PLEKHG4B: variants seen among roughly 807,000 people sequenced by gnomAD.
The protein encoded by PLEKHG4B is pleckstrin homology domain-containing family G member 4B.
PLEKHG4B carries 111 observed loss-of-function variants against 121.3 expected under a neutral mutation model. The ratio of observed to expected loss-of-function variants is 0.92; its 90% CI spans 0.78 to 1.07. The LOEUF (loss-of-function observed/expected upper bound fraction) is 1.07, where lower values mean the gene tolerates loss of function less well. Ranked by LOEUF, PLEKHG4B falls within the 50% of genes least tolerant of loss-of-function variation. The pLI, the probability that PLEKHG4B is intolerant of heterozygous loss-of-function variation, is 0.00. For missense variants in PLEKHG4B, 1,831 were observed against 1,757.8 expected (o/e 1.04, Z -0.74); for synonymous variants, 738 against 725.0 (o/e 1.02, Z -0.29).
intron 2 of PLEKHG4B, among the ~76,000 whole-genome samples, chr5:119,041 G>T (rs924009266): frequency 2.0e-5 from 3 of 151,872 alleles, no homozygotes; most frequent in African/African-American, 2.4e-5. Flanking sequence ...AAAATTTTTT[G>T]TAGAGATGGG....
At position 163,472 on chromosome 5, in the gene PLEKHG4B, G is replaced by A. The variant is rs763521194; in HGVS notation, c.3400G>A (p.Val1134Ile). The change falls in exon 13 of 20, where the codon GTC becomes ATC. Residue 1134 changes from valine to isoleucine, a missense_variant. Transcript: ENST00000637938. ...GTGGCAGCATGCCAGGAGCCCCCCG[G>A]TCACTCAGAGCCGGAGTCTGTCCTC... The part of the protein sequence containing the change: ...PLWQHARSPP[V>I]TQSRSLSSPS... 9 of 1,612,796 alleles carry A rather than the reference G, an allele frequency of 5.6e-6. No individual in the cohort carries two copies. The highest frequency in any genetic ancestry group is 5.9e-6 in the Non-Finnish European group (7 of 1,179,990).
intron 13 of PLEKHG4B, 119 bp from the exon 14 acceptor site, chr5:169,221 C>T: frequency 7.2e-7 from 1 of 1,385,962 alleles, no homozygotes; most frequent in Non-Finnish European, 9.9e-7. Context: ...TGCCTCCAGT[C>T]CACATGTGAC....
chr5:124,620 CT>C (rs964020734), intron 2 of PLEKHG4B, among the ~76,000 whole-genome samples: 2 of 152,100 alleles, frequency 1.3e-5, no homozygotes, highest in African/African-American at 2.4e-5. Context: ...TGTATTTAAC[CT>C]TTTCTTAATA....
intron 18 of PLEKHG4B, among the ~76,000 whole-genome samples, chr5:180,950 A>G (rs1424167193): frequency 6.6e-6 from 1 of 152,208 alleles, no homozygotes; most frequent in East Asian, 1.9e-4. Flanking sequence ...AACAATTCTT[A>G]CTATAATATT....
intron 2 of PLEKHG4B, among the ~76,000 whole-genome samples, chr5:119,531 A>C (rs1734407202): frequency 6.6e-6 from 1 of 152,228 alleles, no homozygotes; most frequent in African/African-American, 2.4e-5. Context: ...AATGTGGAGG[A>C]ACATGAAGAC....
intron 13 of PLEKHG4B, among the ~76,000 whole-genome samples, chr5:165,083 G>T (rs1736260368): frequency 2.7e-5 from 3 of 111,690 alleles, no homozygotes; most frequent in African/African-American, 3.3e-5. Flanking sequence ...TGCTCTGACG[G>T]GGCGGGGCTC....
chr5:155,471 C>T (rs1311859204), intron 9 of PLEKHG4B, 28 bp downstream of exon 9: 3 of 1,565,902 alleles, frequency 1.9e-6, no homozygotes, highest in Non-Finnish European at 2.6e-6. Flanking sequence ...CAGGTAAGTT[C>T]ATTTCATGTG....
chr5:174,069 T>G lies in PLEKHG4B; in HGVS notation c.4373T>G (p.Ile1458Ser). ...GCATGGACCGATGTCATAGGGAGGATCCTGTGGCGGCAGGCACTAAAGAGC... is the reference window on the plus strand; with the variant it reads ...GCATGGACCGATGTCATAGGGAGGAGCCTGTGGCGGCAGGCACTAAAGAGC... ...KSAWTDVIGR[I>S]LWRQALKSRE... Residue 1458 changes from isoleucine (I) to serine (S), a missense_variant, in exon 18 of 20, where the codon ATC becomes AGC. Physicochemically the swap from Ile to Ser is moderately radical, Grantham distance 142. Coordinates refer to ENST00000637938, the MANE Select transcript of PLEKHG4B (RefSeq NM_052909.5). 6.3e-7 allele frequency: 1 copy of G among 1,587,096 alleles called. No individual in the cohort carries two copies.
chr5:171,696 C>T (rs1273031001), intron 16 of PLEKHG4B, among the ~76,000 whole-genome samples: 1 of 152,212 alleles, frequency 6.6e-6, no homozygotes, highest in African/African-American at 2.4e-5. Flanking sequence ...CAATGGCTGG[C>T]AGATGTTGGC....
rs202003864 is a variant in PLEKHG4B at position 133,259 on chromosome 5, G to GA, written c.244-6222dup. Among the ~76,000 whole-genome samples the GA allele has an allele frequency of 8.3e-3, 1,264 of 152,088 alleles. 23 individuals are homozygous for GA. The highest frequency in any genetic ancestry group is 0.029 in the African/African-American group (1,203 of 41,500). ...TAATTTTGTGTCCTGAAACTTTGCT[G>GA]AATTCATTTGCCAGTTCATGGAGCT... On this transcript the variant is annotated intron_variant, in intron 2 of 19. Coordinates refer to ENST00000637938, the MANE Select transcript of PLEKHG4B (RefSeq NM_052909.5).
chr5:112,616 G>A (rs943163241), intron 1 of PLEKHG4B, among the ~76,000 whole-genome samples: 1 of 152,224 alleles, frequency 6.6e-6, no homozygotes, highest in African/African-American at 2.4e-5. Flanking sequence ...CAATGATCCT[G>A]TTTTTAGGGT....
At position 140,154 on chromosome 5, in the gene PLEKHG4B, T is replaced by TG. The variant is rs1233700717; in HGVS notation, c.921dup (p.Ser308ValfsTer42). The TG allele has an allele frequency of 4.1e-6, 3 of 738,294 alleles. No individual in the cohort carries two copies. The highest frequency in any genetic ancestry group is 1.8e-5 in the African/African-American group (1 of 54,888). The allele number at this position is 738,294 out of a possible 1,614,324, so 45.7% of individuals were successfully genotyped here. On this transcript the variant is annotated frameshift_variant, in exon 3 of 20. Transcript: ENST00000637938. LOFTEE classifies it high-confidence loss of function. ...GCCCACGGATGCCCCCTGAGAACTGTGGGGGGTCGGGGGAGAGGCCGGACC... is the reference window on the plus strand; with the variant it reads ...GCCCACGGATGCCCCCTGAGAACTGTGGGGGGGTCGGGGGAGAGGCCGGACC...
At chr5:129,274 G>T (rs1277688391) in intron 2 of PLEKHG4B, among the ~76,000 whole-genome samples, 2 of 152,170 alleles carry the variant, frequency 1.3e-5, no homozygotes, top group Admixed American at 6.6e-5. Flanking sequence ...CTACTTAGAA[G>T]CTTCATCTAC....
intron 1 of PLEKHG4B, among the ~76,000 whole-genome samples, chr5:106,906 G>A (rs1441824612): frequency 2.0e-5 from 3 of 152,252 alleles, no homozygotes; most frequent in Non-Finnish European, 2.9e-5. Context: ...ATGTACGTGT[G>A]TGTGCACGCA....
intron 2 of PLEKHG4B, among the ~76,000 whole-genome samples, chr5:138,153 C>A (rs976490612): frequency 2.0e-5 from 3 of 152,250 alleles, no homozygotes; most frequent in Admixed American, 6.5e-5. Flanking sequence ...ACCCGCCCCC[C>A]ACCGGCAGCT....
At chr5:97,861 A>G (rs1380146494) in intron 1 of PLEKHG4B, among the ~76,000 whole-genome samples, 1 of 152,150 alleles carries the variant, frequency 6.6e-6, no homozygotes, top group Non-Finnish European at 1.5e-5. Flanking sequence ...ACAGACCACC[A>G]GACTCGCTCC....
intron 1 of PLEKHG4B, among the ~76,000 whole-genome samples, chr5:102,202 A>G (rs1733841333): frequency 1.3e-5 from 2 of 152,186 alleles, no homozygotes; most frequent in South Asian, 4.2e-4. Flanking sequence ...AAGAAGTAGT[A>G]GGGAAAGACT....
intron 1 of PLEKHG4B, among the ~76,000 whole-genome samples, chr5:103,377 G>T (rs878994536): frequency 6.6e-6 from 1 of 151,952 alleles, no homozygotes; most frequent in Admixed American, 6.6e-5. Context: ...TTGAGGAGGG[G>T]GTATAGTGAC....
intron 1 of PLEKHG4B, among the ~76,000 whole-genome samples, chr5:93,697 G>A (rs1447639284): frequency 2.0e-5 from 3 of 152,120 alleles, no homozygotes; most frequent in African/African-American, 7.2e-5. Flanking sequence ...TGGCCTTTCT[G>A]GGGGGTGGGT....
Sources: gnomAD v4.1 joint callset for allele counts (sites outside exome capture counted in the v4.1 genomes callset) on GRCh38, gnomAD v4.1.1 for gene constraint, MANE v1.5 for transcripts, NCBI Gene and HGNC (gene_info 2026-07-23, HGNC 2026-07-21) for gene names.